Variants in MTUS2 observed in about 807,000 individuals in gnomAD.
MTUS2 encodes microtubule-associated tumor suppressor candidate 2.
A neutral mutation model predicts 114.1 loss-of-function variants in MTUS2; 40 were observed. That is an observed-to-expected ratio of 0.35 (90% confidence interval 0.27 to 0.46). The LOEUF is 0.46. Among genes scored for constraint, MTUS2 ranks in the 20% least tolerant of loss-of-function variants. The probability of loss-of-function intolerance (pLI) is 1.00; values close to 1 mark genes in which losing one functional copy is unlikely to be tolerated. For missense variants in MTUS2, 1,679 were observed against 1,705.4 expected, an observed-to-expected ratio of 0.98 and a Z score of 0.27; for synonymous variants, 688 against 672.0, an observed-to-expected ratio of 1.02 and a Z score of -0.37.
chr13:29,084,098 G>A (rs1017054286), intron 4 of MTUS2, among the ~76,000 whole-genome samples: 4 of 152,090 alleles, frequency 2.6e-5, no homozygotes, highest in African/African-American at 9.7e-5. Flanking sequence ...GAGATCCCAG[G>A]AATAAATGTA....
At chr13:29,227,582 G>C (rs537356162) in intron 5 of MTUS2, among the ~76,000 whole-genome samples, 51 of 152,324 alleles carry the variant, frequency 3.3e-4, no homozygotes, top group African/African-American at 1.2e-3. Flanking sequence ...GAGAATCTGA[G>C]GGTTTTCTGG....
chr13:29,444,344 G>A lies in MTUS2; in HGVS notation c.3184+4295G>A, dbSNP rs1003485434. 4.6e-5 allele frequency among the ~76,000 whole-genome samples: 7 copies of A among 152,178 alleles called. No homozygotes were observed. The South Asian group carries it at 6.2e-4, about 13-fold the overall frequency. On this transcript the variant is annotated intron_variant, in intron 9 of 15. Coordinates refer to ENST00000612955, the MANE Select transcript of MTUS2 (RefSeq NM_001033602.4). Reference sequence around the variant, plus strand: ...GTGAGGAGTCTGAGGCAGGAGAATCGCTTGAACCCGGAAGGCGGAGAGGTG... The same window carrying A: ...GTGAGGAGTCTGAGGCAGGAGAATCACTTGAACCCGGAAGGCGGAGAGGTG...
Position 29,324,695 on chromosome 13 carries a change from C to G in MTUS2, c.2889C>G (p.Thr963=), listed in dbSNP as rs1340744666. 6.3e-7 allele frequency: 1 copy of G among 1,598,228 alleles called. No individual in the cohort carries two copies. The highest frequency in any genetic ancestry group is 2.2e-5 in the East Asian group (1 of 44,560). Residue 963 remains threonine (T), a synonymous_variant, in exon 7 of 16, where the codon ACC becomes ACG. Coordinates refer to ENST00000612955, the MANE Select transcript of MTUS2 (RefSeq NM_001033602.4). ...CTAAGAGAGTAGCAGCTTCAACCACCAAGCTTCATTCACCAGGTATGTAAG... is the reference window on the plus strand; with the variant it reads ...CTAAGAGAGTAGCAGCTTCAACCACGAAGCTTCATTCACCAGGTATGTAAG... ...SSPKRVAAST[T]KLHSPGYPKQ...
intron 4 of MTUS2, among the ~76,000 whole-genome samples, chr13:29,066,769 A>G (rs557538905): frequency 1.3e-5 from 2 of 152,370 alleles, no homozygotes; most frequent in East Asian, 1.9e-4. Flanking sequence ...ATGGGTATAT[A>G]AAGAGATAAA....
At chr13:28,921,258 A>G (rs1489607586) in intron 2 of MTUS2, among the ~76,000 whole-genome samples, 1 of 152,202 alleles carries the variant, frequency 6.6e-6, no homozygotes, top group African/African-American at 2.4e-5. Context: ...TCAGCAGGTG[A>G]TGAACCTGCC....
chr13:28,974,072 C>T (rs1377579729), intron 2 of MTUS2, among the ~76,000 whole-genome samples: 1 of 152,198 alleles, frequency 6.6e-6, no homozygotes, highest in African/African-American at 2.4e-5. Flanking sequence ...TCTTGTTATA[C>T]TGCCCTCTTT....
intron 4 of MTUS2, among the ~76,000 whole-genome samples, chr13:29,072,693 A>G (rs2479777): frequency 0.98 from 148,966 of 152,298 alleles, 72,902 homozygotes; most frequent in Non-Finnish European, 1. Context: ...TTGCTTTTGG[A>G]CCTCTGATGT....
At chr13:29,134,102 CTATT>C (rs1468628698) in intron 5 of MTUS2, among the ~76,000 whole-genome samples, 3 of 151,984 alleles carry the variant, frequency 2.0e-5, no homozygotes, top group Non-Finnish European at 4.4e-5. Flanking sequence ...TTTTTTGTCT[CTATT>C]TATTTTCTAA....
chr13:29,005,110 T>C (rs1428661669), intron 2 of MTUS2, among the ~76,000 whole-genome samples: 2 of 152,172 alleles, frequency 1.3e-5, no homozygotes, highest in Admixed American at 6.5e-5. Flanking sequence ...TGTCTTAGCA[T>C]GTCTTTGTTC....
chr13:29,021,562 C>T (rs951586027), intron 2 of MTUS2, among the ~76,000 whole-genome samples: 5 of 152,106 alleles, frequency 3.3e-5, no homozygotes, highest in African/African-American at 4.8e-5. Flanking sequence ...CAATTCAAAC[C>T]GAAGAGGGCT....
chr13:29,031,821 G>A (rs1434621747), intron 3 of MTUS2, among the ~76,000 whole-genome samples: 1 of 151,912 alleles, frequency 6.6e-6, no homozygotes, highest in Non-Finnish European at 1.5e-5. Flanking sequence ...CTATCCCAGT[G>A]GCTTGTTAAC....
intron 5 of MTUS2, among the ~76,000 whole-genome samples, chr13:29,202,263 A>G (rs987259599): frequency 4.6e-5 from 7 of 151,646 alleles, no homozygotes; most frequent in African/African-American, 1.2e-4. Context: ...TTGATCTTCA[A>G]TCTCTGATAT....
At chr13:29,338,597 A>AAAAC (rs897533388) in intron 7 of MTUS2, among the ~76,000 whole-genome samples, 2 of 93,250 alleles carry the variant, frequency 2.1e-5, no homozygotes, top group African/African-American at 8.2e-5. Flanking sequence ...CTCAGAAAAC[A>AAAAC]AAAAAAAACA....
At chr13:28,855,566 C>T (rs369187982) in intron 2 of MTUS2, among the ~76,000 whole-genome samples, 3 of 152,250 alleles carry the variant, frequency 2.0e-5, no homozygotes, top group African/African-American at 7.2e-5. Flanking sequence ...AGGATAATGG[C>T]TTCCAGCTCC....
intron 2 of MTUS2, among the ~76,000 whole-genome samples, chr13:28,942,932 T>C (rs1882324397): frequency 6.6e-6 from 1 of 152,174 alleles, no homozygotes; most frequent in South Asian, 2.1e-4. Flanking sequence ...TATTTAATCA[T>C]TTTTCTGTAT....
At chr13:29,293,207 CTG>C (rs1391989270) in intron 6 of MTUS2, among the ~76,000 whole-genome samples, 1 of 151,996 alleles carries the variant, frequency 6.6e-6, no homozygotes, top group East Asian at 1.9e-4. Context: ...CTGCAACAAA[CTG>C]TGAATATACA....
chr13:28,868,699 G>T (rs1175162469), intron 2 of MTUS2, among the ~76,000 whole-genome samples: 1 of 152,122 alleles, frequency 6.6e-6, no homozygotes, highest in Admixed American at 6.5e-5. Flanking sequence ...TCCACGTTTT[G>T]TTGCCCATAG....
chr13:28,923,600 C>T (rs767914007), intron 2 of MTUS2, among the ~76,000 whole-genome samples: 2 of 152,140 alleles, frequency 1.3e-5, no homozygotes, highest in Non-Finnish European at 2.9e-5. Context: ...CCCCTCTAGA[C>T]GGGGAAGACT....
intron 2 of MTUS2, among the ~76,000 whole-genome samples, chr13:28,942,569 C>T (rs1341451123): frequency 1.3e-5 from 2 of 152,204 alleles, no homozygotes; most frequent in African/African-American, 4.8e-5. Context: ...ACCCAGATGT[C>T]CTTCAGTAAG....
Sources: allele counts gnomAD v4.1 joint callset (sites outside exome capture counted in the v4.1 genomes callset), GRCh38; gene constraint gnomAD v4.1.1; transcripts MANE v1.5; gene names NCBI Gene and HGNC (gene_info 2026-07-23, HGNC 2026-07-21).